The following FRY variants were observed in gnomAD, a reference collection of about 807,000 sequenced individuals.
FRY encodes the protein FRY microtubule binding protein, also known as protein furry homolog.
Under a neutral mutation model 348.4 loss-of-function variants are expected in FRY, and 128 were observed. The ratio of observed to expected loss-of-function variants is 0.37; its 90% confidence interval spans 0.32 to 0.43. The LOEUF is 0.43. Ranked by LOEUF, FRY falls within the 20% of genes least tolerant of loss-of-function variation. The pLI, the probability that FRY is intolerant of heterozygous loss-of-function variation, is 1.00. For synonymous variants in FRY, 1,370 were observed against 1,374.7 expected (o/e 1.00, Z 0.08); for missense variants, 2,736 against 3,695.2 (o/e 0.74, Z 6.73).
intron 3 of FRY, among the ~76,000 whole-genome samples, chr13:32,108,836 G>A: frequency 6.6e-6 from 1 of 152,192 alleles, no homozygotes; most frequent in East Asian, 1.9e-4. Flanking sequence ...CCCTTGAGAG[G>A]TATGCTTTAG....
Position 32,103,532 on chromosome 13 carries a change from G to A in FRY, c.324+1516G>A, listed in dbSNP as rs181452279. Among the ~76,000 whole-genome samples the A allele has an allele frequency of 2.2e-3, 337 of 152,296 alleles. 1 individual carries two copies. Among genetic ancestry groups the A allele is most frequent in the Middle Eastern group, 0.02 (6 of 294 alleles). On this transcript the variant is annotated intron_variant, in intron 3 of 60. Coordinates refer to ENST00000542859, the MANE Select transcript of FRY (RefSeq NM_023037.3). ...CGGGTGGAGGGAAGCGGGAGGGATAGCATTAGGAGATATACCTAATGTTAA... is the reference window on the plus strand; with the variant it reads ...CGGGTGGAGGGAAGCGGGAGGGATAACATTAGGAGATATACCTAATGTTAA...
intron 23 of FRY, among the ~76,000 whole-genome samples, chr13:32,180,660 GAAAGAAACATTGTA>G (rs2138246492): frequency 6.6e-6 from 1 of 152,276 alleles, no homozygotes; most frequent in African/African-American, 2.4e-5. Context: ...CAAAGCCTTT[GAAAGAAACATTGTA>G]AAATGTTAGT....
At chr13:32,216,686 G>A (rs149644146) in intron 35 of FRY, among the ~76,000 whole-genome samples, 3 of 152,314 alleles carry the variant, frequency 2.0e-5, no homozygotes, top group African/African-American at 7.2e-5. Flanking sequence ...GCATTTATCA[G>A]CATAAATATG....
chr13:32,197,187 A>C (rs974139896), intron 29 of FRY, among the ~76,000 whole-genome samples: 2 of 152,074 alleles, frequency 1.3e-5, no homozygotes, highest in East Asian at 1.9e-4. Flanking sequence ...TTTTTAAATA[A>C]TTTTGTTGGA....
At position 32,175,627 on chromosome 13, in the gene FRY, G is replaced by T. The variant is rs1403489371; in HGVS notation, c.2416G>T (p.Asp806Tyr). 3 of 1,558,244 alleles carry T rather than the reference G, an allele frequency of 1.9e-6. No individual in the cohort carries two copies. In the African/African-American group the frequency reaches 4.1e-5, roughly 21 times the overall value. ...AAGTTTTATTCATGTAGCAGTTTCG[G>T]ATTCAGTAAGTACACATTTGATTCC... ...LESFIHVAVS[D>Y]SATLPLTHNV... Residue 806 changes from aspartate to tyrosine, a missense_variant, in exon 20 of 61, where the codon GAT becomes TAT. Transcript: ENST00000542859.
intron 49 of FRY, among the ~76,000 whole-genome samples, chr13:32,251,401 T>C (rs971952481): frequency 6.6e-6 from 1 of 152,228 alleles, no homozygotes; most frequent in African/African-American, 2.4e-5. Context: ...AGACTCATGC[T>C]GTAACTTAAT....
Position 32,237,082 on chromosome 13 carries a change from T to C in FRY, c.5811-297T>C, listed in dbSNP as rs1230894141. Among the ~76,000 whole-genome samples the C allele has an allele frequency of 6.6e-6, 1 of 152,184 alleles. No homozygotes were observed. The highest frequency in any genetic ancestry group is 6.5e-5 in the Admixed American group (1 of 15,270). ...TATCAGGTACATTTTATTTCATAAT[T>C]ACTCCTACCCAAATTCAAGCAAAAC... On this transcript the variant is annotated intron_variant, in intron 43 of 60. Coordinates refer to ENST00000542859, the MANE Select transcript of FRY (RefSeq NM_023037.3). This position sits in a 1 kb window ranked among gnomAD's most constrained non-coding sequence, Gnocchi z 6.3.
chr13:32,177,239 CTTTCAAGAGA>C (rs1882418745), intron 20 of FRY, among the ~76,000 whole-genome samples: 2 of 152,112 alleles, frequency 1.3e-5, no homozygotes, highest in Admixed American at 1.3e-4. Context: ...AGATATTTAT[CTTTCAAGAGA>C]TTTCAAGAGA....
Position 32,267,460 on chromosome 13 carries a change from A to G in FRY, c.8136+101A>G, listed in dbSNP as rs538116451. On this transcript the variant is annotated intron_variant, in intron 55 of 60. Transcript: ENST00000542859. ...TGTTCTTCTGTTCTGGGGTTATACT[A>G]CTGTATTTTCTCCTCCAGACACCCC... The G allele has an allele frequency of 1.4e-5, 14 of 1,015,782 alleles. No individual in the cohort carries two copies. The Admixed American group carries it at 2.4e-4, about 17-fold the overall frequency. 62.9% of individuals were successfully genotyped at this position (1,015,782 alleles called of 1,614,324 possible). A position where few individuals can be genotyped will look rare whatever the true frequency, so the allele number is the denominator to read the frequency against.
At chr13:32,184,547 A>T (rs1882904551) in intron 24 of FRY, 53 bp from the exon 25 acceptor site, 1 of 1,077,974 alleles carries the variant, frequency 9.3e-7, no homozygotes, top group African/African-American at 1.6e-5. Context: ...TCTAAAACAA[A>T]GTTAATATTG....
chr13:32,040,870 T>C (rs1872720671), intron 1 of FRY, among the ~76,000 whole-genome samples: 1 of 152,250 alleles, frequency 6.6e-6, no homozygotes, highest in Non-Finnish European at 1.5e-5. Flanking sequence ...GTAGATATCA[T>C]GTTTCAGTTA....
intron 1 of FRY, among the ~76,000 whole-genome samples, chr13:32,047,567 C>A (rs973847553): frequency 1.4e-5 from 2 of 141,500 alleles, no homozygotes; most frequent in Admixed American, 8.0e-5. Flanking sequence ...TTTTTCTTTT[C>A]TTTTCTTTTT....
chr13:32,192,649 A>C (rs1230769020), intron 28 of FRY, among the ~76,000 whole-genome samples: 1 of 152,172 alleles, frequency 6.6e-6, no homozygotes, highest in Non-Finnish European at 1.5e-5. Flanking sequence ...GTAAGTAAAA[A>C]AACATGAAGA....
chr13:32,170,124 G>A (rs76347699), intron 17 of FRY, among the ~76,000 whole-genome samples: 8 of 152,166 alleles, frequency 5.3e-5, no homozygotes, highest in African/African-American at 1.2e-4. Context: ...GAGCAAAACC[G>A]ATTTAGGACC....
intron 26 of FRY, among the ~76,000 whole-genome samples, chr13:32,185,377 C>A (rs1957251342): frequency 6.6e-6 from 1 of 152,120 alleles, no homozygotes; most frequent in Non-Finnish European, 1.5e-5. Flanking sequence ...TGTGTCATTT[C>A]TATTCTTTGT....
At chr13:32,038,203 A>T (rs1872616065) in intron 1 of FRY, among the ~76,000 whole-genome samples, 1 of 152,202 alleles carries the variant, frequency 6.6e-6, no homozygotes. Flanking sequence ...ATATTTTGAG[A>T]AGTTTCAGAT....
intron 1 of FRY, among the ~76,000 whole-genome samples, chr13:32,069,162 G>T (rs946538871): frequency 1.3e-5 from 2 of 151,974 alleles, no homozygotes; most frequent in African/African-American, 2.4e-5. Context: ...TGATCCACCC[G>T]TCTCGACCTC....
intron 17 of FRY, among the ~76,000 whole-genome samples, chr13:32,168,584 C>G (rs1881883378): frequency 6.6e-6 from 1 of 152,220 alleles, no homozygotes; most frequent in African/African-American, 2.4e-5. Context: ...TTAGACAATT[C>G]TAGATTGGAA....
At chr13:32,082,466 T>G (rs1236583919) in intron 2 of FRY, among the ~76,000 whole-genome samples, 7 of 152,216 alleles carry the variant, frequency 4.6e-5, no homozygotes, top group Non-Finnish European at 8.8e-5. Context: ...CCAAGCAAAG[T>G]GTTCTAAACA....
Sources: gnomAD v4.1 joint callset for allele counts (sites outside exome capture counted in the v4.1 genomes callset) on GRCh38, gnomAD v4.1.1 for gene constraint, Gnocchi (gnomAD v3.1) non-coding constraint, MANE v1.5 for transcripts, NCBI Gene and HGNC (gene_info 2026-07-23, HGNC 2026-07-21) for gene names.